The following AOAH variants were observed in gnomAD, a reference collection of about 807,000 sequenced individuals.
AOAH encodes the protein acyloxyacyl hydrolase.
In AOAH, 64 loss-of-function variants were observed where a neutral mutation model predicts 92.2. The ratio of observed to expected loss-of-function variants is 0.69; its 90% CI spans 0.57 to 0.86. The LOEUF (loss-of-function observed/expected upper bound fraction) is 0.86, where lower values mean the gene tolerates loss of function less well. AOAH is among the 40% of genes least tolerant of loss of function. The pLI is 0.00. For synonymous variants in AOAH, 263 were observed against 254.5 expected, an observed-to-expected ratio of 1.03 and a Z score of -0.32; for missense variants, 656 against 694.6, an observed-to-expected ratio of 0.94 and a Z score of 0.62.
At chr7:36,559,581 T>C (rs1787105876) in intron 13 of AOAH, among the ~76,000 whole-genome samples, 1 of 152,160 alleles carries the variant, frequency 6.6e-6, no homozygotes, top group Admixed American at 6.5e-5. Context: ...TTTTGCCCAT[T>C]TTTTTAATGG....
intron 1 of AOAH, among the ~76,000 whole-genome samples, chr7:36,711,629 G>C (rs1006241451): frequency 6.6e-6 from 1 of 152,216 alleles, no homozygotes; most frequent in African/African-American, 2.4e-5. Flanking sequence ...AAAGGTAGGA[G>C]ATTATGGAGA....
Position 36,616,437 on chromosome 7 carries a change from T to A in AOAH, c.789A>T (p.Ser263=). ...QPRGIILLGD[S]AGAHFHISPE... ...GAGAGATGTGAAAATGAGCCCCAGC[T>A]GAGTCTCCCAGCAAAATGATTCCCC... is the stretch of plus-strand genomic sequence containing the variant. The change falls in exon 11 of 21, where the codon TCA becomes TCT. Residue 263 remains serine (S), a synonymous_variant. Transcript: ENST00000617537. 6.2e-7 allele frequency: 1 copy of A among 1,614,128 alleles called. No homozygotes were observed. Among genetic ancestry groups the A allele is most frequent in the Non-Finnish European group, 8.5e-7 (1 of 1,179,966 alleles).
At chr7:36,677,749 G>A (rs1017257268) in intron 2 of AOAH, among the ~76,000 whole-genome samples, 2 of 152,046 alleles carry the variant, frequency 1.3e-5, no homozygotes, top group South Asian at 2.1e-4. Flanking sequence ...ATACCTATAC[G>A]ATGCAATATT....
intron 4 of AOAH, among the ~76,000 whole-genome samples, chr7:36,647,539 C>A (rs756834654): frequency 2.6e-5 from 4 of 152,188 alleles, no homozygotes; most frequent in African/African-American, 7.2e-5. Flanking sequence ...CATAGAAATA[C>A]CTTCCTTGGA....
intron 20 of AOAH, among the ~76,000 whole-genome samples, chr7:36,517,256 G>GTCTCTCTC (rs1562854226): frequency 0.018 from 688 of 39,128 alleles, 29 homozygotes; most frequent in African/African-American, 0.058. Flanking sequence ...TTCTTTCTGT[G>GTCTCTCTC]TCTCTCTCTT....
At chr7:36,537,496 C>A (rs1283224450) in intron 16 of AOAH, among the ~76,000 whole-genome samples, 2 of 129,394 alleles carry the variant, frequency 1.5e-5, no homozygotes, top group African/African-American at 2.9e-5. Flanking sequence ...ATGCTAGTTG[C>A]ACCCCTCTTG....
At chr7:36,681,349 G>C (rs1262825659) in intron 2 of AOAH, among the ~76,000 whole-genome samples, 1 of 152,146 alleles carries the variant, frequency 6.6e-6, no homozygotes, top group Non-Finnish European at 1.5e-5. Context: ...GTAATTAAGA[G>C]ACTTGACCTA....
intron 3 of AOAH, among the ~76,000 whole-genome samples, chr7:36,672,322 T>C (rs1328805295): frequency 1.3e-5 from 2 of 152,180 alleles, no homozygotes; most frequent in African/African-American, 4.8e-5. Flanking sequence ...GCTGTAAGGC[T>C]AATGGCCCCT....
At chr7:36,561,033 C>A (rs971869567) in intron 13 of AOAH, among the ~76,000 whole-genome samples, 1 of 144,528 alleles carries the variant, frequency 6.9e-6, no homozygotes, top group African/African-American at 2.6e-5. Flanking sequence ...TAATTGAGCA[C>A]TGGGAACTTT....
intron 13 of AOAH, among the ~76,000 whole-genome samples, chr7:36,561,503 G>C (rs1165640034): frequency 6.6e-6 from 1 of 152,158 alleles, no homozygotes. Flanking sequence ...AGTGCTCCCT[G>C]TTGTCCTCCA....
intron 3 of AOAH, among the ~76,000 whole-genome samples, chr7:36,662,063 G>A (rs1795246650): frequency 6.6e-6 from 1 of 152,156 alleles, no homozygotes; most frequent in South Asian, 2.1e-4. Flanking sequence ...AACACTGGGA[G>A]GAGCCTTGAG....
At chr7:36,640,859 G>A (rs12534222) in intron 4 of AOAH, among the ~76,000 whole-genome samples, 3 of 152,210 alleles carry the variant, frequency 2.0e-5, no homozygotes, top group East Asian at 1.9e-4. Flanking sequence ...ACTTGAAGCC[G>A]CTGCAATGAG....
At position 36,528,119 on chromosome 7, in the gene AOAH, AGT is replaced by A. The variant is rs148872786; in HGVS notation, c.1522+2297_1522+2298del. On this transcript the variant is annotated intron_variant, in intron 19 of 20. Coordinates refer to ENST00000617537, the MANE Select transcript of AOAH (RefSeq NM_001637.4). ...CTCACTGTGCCCACATGCCTTCCCT[AGT>A]GGGGTGCCCACTAACTTCCTGAGGA... 5.9e-3 allele frequency among the ~76,000 whole-genome samples: 902 copies of A among 152,264 alleles called. 9 individuals carry two copies. The highest frequency in any genetic ancestry group is 0.021 in the African/African-American group (867 of 41,552).
At chr7:36,586,438 T>C (rs377207923) in intron 12 of AOAH, among the ~76,000 whole-genome samples, 1 of 152,146 alleles carries the variant, frequency 6.6e-6, no homozygotes, top group East Asian at 1.9e-4. Context: ...TGGCTGATGC[T>C]CTCTTCTTAT....
intron 19 of AOAH, among the ~76,000 whole-genome samples, chr7:36,526,936 A>G (rs1784425380): frequency 6.6e-6 from 1 of 152,230 alleles, no homozygotes; most frequent in Non-Finnish European, 1.5e-5. Context: ...GTTTATGCCA[A>G]TTGAGCTGTC....
chr7:36,635,979 G>T (rs528527482), intron 5 of AOAH, among the ~76,000 whole-genome samples: 1 of 152,246 alleles, frequency 6.6e-6, no homozygotes, highest in African/African-American at 2.4e-5. Flanking sequence ...TGAGATCCAG[G>T]CTTTATCTGG....
chr7:36,532,429 G>A (rs1170044818), intron 16 of AOAH, 85 bp from the exon 17 acceptor site: 2 of 1,259,174 alleles, frequency 1.6e-6, no homozygotes, highest in African/African-American at 2.9e-5. Context: ...TGCCTCCCTT[G>A]CAGAAAGTCA....
In AOAH at chr7:36,547,680, GC is replaced by G. The variant is rs147061063; in HGVS notation, c.1133+931del. Reference sequence around the variant, plus strand: ...ATCCTGTCTCACCATTTTTTTTTTGGCCACAATCACAGGACAGATGGCATTC... The same window carrying G: ...ATCCTGTCTCACCATTTTTTTTTTGGCACAATCACAGGACAGATGGCATTC... On this transcript the variant is annotated intron_variant, in intron 15 of 20. Transcript: ENST00000617537. Among the ~76,000 whole-genome samples, 1,217 of 151,136 alleles carry G rather than the reference GC, an allele frequency of 8.1e-3. 17 individuals are homozygous for G. Among genetic ancestry groups the G allele is most frequent in the African/African-American group, 0.028 (1,169 of 41,220 alleles).
At position 36,724,242 on chromosome 7, in the gene AOAH, C is replaced by G; in HGVS notation, c.-94G>C. On this transcript the variant is annotated 5_prime_UTR_variant, in exon 1 of 21. Transcript: ENST00000617537. ...GGCTGCAGAATCAATTGATCTCTCTCTCCTTCTCTTCCTCACTCTCTTTGA... is the reference window on the plus strand; with the variant it reads ...GGCTGCAGAATCAATTGATCTCTCTGTCCTTCTCTTCCTCACTCTCTTTGA... The G allele has an allele frequency of 6.8e-7, 1 of 1,471,268 alleles. No individual in the cohort carries two copies. The highest frequency in any genetic ancestry group is 9.4e-7 in the Non-Finnish European group (1 of 1,065,488). The allele number at this position is 1,471,268 out of a possible 1,614,324, so 91.1% of individuals were successfully genotyped here.
Sources: allele counts gnomAD v4.1 joint callset (sites outside exome capture counted in the v4.1 genomes callset), GRCh38; gene constraint gnomAD v4.1.1; transcripts MANE v1.5; gene names NCBI Gene and HGNC (gene_info 2026-07-23, HGNC 2026-07-21).